Variants in LANCL1 observed in about 807,000 individuals in gnomAD.
LANCL1 encodes the protein LanC like glutathione S-transferase 1.
In LANCL1, 50 loss-of-function variants were observed where a neutral mutation model predicts 50.6. That is an observed-to-expected ratio of 0.99 (90% CI 0.79 to 1.25). The LOEUF is 1.25. Among genes scored for constraint, LANCL1 ranks in the 50% most tolerant of loss-of-function variants. The pLI is 0.00. For missense variants in LANCL1, 532 were observed against 480.7 expected, an observed-to-expected ratio of 1.11 and a Z score of -1.00; for synonymous variants, 188 against 178.6, an observed-to-expected ratio of 1.05 and a Z score of -0.42.
chr2:210,467,286 C>T (rs1053898083), intron 3 of LANCL1, among the ~76,000 whole-genome samples: 1 of 152,138 alleles, frequency 6.6e-6, no homozygotes, highest in East Asian at 1.9e-4. Context: ...CAAAAACGTC[C>T]GACAGAAATT....
chr2:210,438,886 C>T (rs892834677), intron 6 of LANCL1, among the ~76,000 whole-genome samples: 4 of 152,136 alleles, frequency 2.6e-5, no homozygotes, highest in East Asian at 1.9e-4. Context: ...ATGTCTTTAA[C>T]AGATTCAAAG....
intron 4 of LANCL1, among the ~76,000 whole-genome samples, chr2:210,450,632 C>G (rs965824580): frequency 6.6e-6 from 1 of 150,830 alleles, no homozygotes; most frequent in Non-Finnish European, 1.5e-5. Flanking sequence ...TACAAATTTA[C>G]AAGAAAAAAA....
intron 7 of LANCL1, 93 bp from the exon 8 acceptor site, chr2:210,436,485 T>C: frequency 8.1e-7 from 1 of 1,231,882 alleles, no homozygotes; most frequent in Non-Finnish European, 1.2e-6. Context: ...AAGAGGGAGA[T>C]GGCTTGGCAA....
chr2:210,471,042 A>ATTTTTTTTTTTTTTTTTT (rs35572251), intron 3 of LANCL1, among the ~76,000 whole-genome samples: 1 of 96,286 alleles, frequency 1.0e-5, no homozygotes, highest in Non-Finnish European at 2.0e-5. Flanking sequence ...TTCTTCTTTG[A>ATTTTTTTTTTTTTTTTTT]TTTTTTTTTT....
chr2:210,445,525 T>C (rs1693295573), intron 4 of LANCL1, among the ~76,000 whole-genome samples: 1 of 152,240 alleles, frequency 6.6e-6, no homozygotes, highest in Non-Finnish European at 1.5e-5. Context: ...AATTCATTAG[T>C]TGGGTTCGAT....
At chr2:210,470,932 G>A (rs1047245164) in intron 3 of LANCL1, among the ~76,000 whole-genome samples, 5 of 151,770 alleles carry the variant, frequency 3.3e-5, no homozygotes, top group East Asian at 1.9e-4. Flanking sequence ...TCTTTAAAGC[G>A]AATGGGAAAC....
chr2:210,456,415 C>T (rs1458981871), intron 3 of LANCL1, among the ~76,000 whole-genome samples: 1 of 152,122 alleles, frequency 6.6e-6, no homozygotes, highest in Non-Finnish European at 1.5e-5. Context: ...ACAGACAATT[C>T]AATTTCACAT....
chr2:210,475,954 C>A (rs2287419), intron 2 of LANCL1, among the ~76,000 whole-genome samples: 63,937 of 152,012 alleles, frequency 0.42, 15,023 homozygotes, highest in East Asian at 0.61. Flanking sequence ...TGTGTATAAT[C>A]ACAAAGGAGT....
chr2:210,464,775 G>C (rs1693987581), intron 3 of LANCL1, among the ~76,000 whole-genome samples: 1 of 147,126 alleles, frequency 6.8e-6, no homozygotes, highest in Non-Finnish European at 1.5e-5. Context: ...GACCATTCTG[G>C]CTAACAAGGT....
intron 2 of LANCL1, 100 bp from the exon 3 acceptor site, chr2:210,472,176 G>C: frequency 2.6e-6 from 2 of 779,364 alleles, no homozygotes; most frequent in East Asian, 2.5e-5. Context: ...TTCCACTTAG[G>C]ACATATTTTT....
intron 3 of LANCL1, 39 bp downstream of exon 3, chr2:210,471,920 G>T: frequency 7.1e-7 from 1 of 1,398,914 alleles, no homozygotes; most frequent in Non-Finnish European, 1.0e-6. Flanking sequence ...TGGCTCTTAA[G>T]CACAATGCTT....
Position 210,465,345 on chromosome 2 carries a change from T to C in LANCL1, c.199+6614A>G, listed in dbSNP as rs541267576. Among the ~76,000 whole-genome samples, 8 of 152,348 alleles carry C rather than the reference T, an allele frequency of 5.3e-5. No individual in the cohort carries two copies. In the East Asian group the frequency reaches 1.5e-3, roughly 29 times the overall value. On this transcript the variant is annotated intron_variant, in intron 3 of 9. Coordinates refer to ENST00000450366, the MANE Select transcript of LANCL1 (RefSeq NM_006055.3). ...AAAGTGCCACTAGTGATGCTGAAAG[T>C]GCTTCCACGAAGCAGAAAAAAGTCG...
chr2:210,463,451 G>T (rs558512098), intron 3 of LANCL1, among the ~76,000 whole-genome samples: 68 of 152,126 alleles, frequency 4.5e-4, no homozygotes, highest in Non-Finnish European at 6.6e-4. Context: ...TACAACAGTA[G>T]TTATTGGTGT....
chr2:210,458,638 GAGA>G (rs1246347396), intron 3 of LANCL1, among the ~76,000 whole-genome samples: 6 of 152,110 alleles, frequency 3.9e-5, no homozygotes, highest in Non-Finnish European at 7.4e-5. Context: ...GGGGATGGCG[GAGA>G]AGAAGATGTC....
Position 210,476,323 on chromosome 2 carries a change from G to A in LANCL1, c.74C>T (p.Ala25Val), listed in dbSNP as rs1694369647. ...KSLAEGYFDAAGRLTPEFSQR... is the reference protein window; with the variant it reads ...KSLAEGYFDAVGRLTPEFSQR... The stretch of plus-strand genomic sequence containing the variant: ...GACATATCCTAAACTCACCCTCCCG[G>A]CAGCATCAAAGTAGCCTTCGGCCAG... The change falls in exon 2 of 10, where the codon GCC (alanine) becomes GTC (valine). Residue 25 changes from alanine to valine, a missense_variant. Coordinates refer to ENST00000450366, the MANE Select transcript of LANCL1 (RefSeq NM_006055.3). 1 of 1,612,632 alleles carries A rather than the reference G, an allele frequency of 6.2e-7. No homozygotes were observed. The highest frequency in any genetic ancestry group is 8.5e-7 in the Non-Finnish European group (1 of 1,178,808).
chr2:210,474,766 T>TTAAATTCA (rs1553715879), intron 2 of LANCL1, among the ~76,000 whole-genome samples: 1 of 72,338 alleles, frequency 1.4e-5, no homozygotes, highest in Non-Finnish European at 3.2e-5. Context: ...AAATAAAGGG[T>TTAAATTCA]TAAATTCATA....
At position 210,476,371 on chromosome 2, in the gene LANCL1, G is replaced by A. The variant is rs1380145499; in HGVS notation, c.26C>T (p.Pro9Leu). 10 of 1,613,976 alleles carry A rather than the reference G, an allele frequency of 6.2e-6. No individual in the cohort carries two copies. The highest frequency in any genetic ancestry group is 1.3e-5 in the African/African-American group (1 of 74,936). MAQRAFPNPYADYNKSLAE... is the reference protein window; with the variant it reads MAQRAFPNLYADYNKSLAE... ...CAGGGATTTGTTATAATCAGCATAA[G>A]GATTCGGGAAGGCCCTTTGAGCCAT... Residue 9 changes from proline to leucine, a missense_variant, in exon 2 of 10, where the codon CCT becomes CTT. Coordinates refer to ENST00000450366, the MANE Select transcript of LANCL1 (RefSeq NM_006055.3).
chr2:210,476,505 C>T, intron 1 of LANCL1, 93 bp from the exon 2 acceptor site: 1 of 1,451,554 alleles, frequency 6.9e-7, no homozygotes, highest in East Asian at 2.6e-5. Flanking sequence ...CCCCCTTCCT[C>T]CAGCTCCAGG....
Position 210,433,351 on chromosome 2 carries a change from A to G in LANCL1, c.*1136T>C, listed in dbSNP as rs1186873790. 1 of 152,204 alleles carries G rather than the reference A, an allele frequency of 6.6e-6. No homozygotes were observed. Among genetic ancestry groups the G allele is most frequent in the African/African-American group, 2.4e-5 (1 of 41,448 alleles). The allele number at this position is 152,204 out of a possible 1,614,324, so 9.4% of individuals were successfully genotyped here. A position where few individuals can be genotyped will look rare whatever the true frequency, so the allele number is the denominator to read the frequency against. On this transcript the variant is annotated 3_prime_UTR_variant, in exon 10 of 10. Coordinates refer to ENST00000450366, the MANE Select transcript of LANCL1 (RefSeq NM_006055.3). ...CAAAGATGCATTTGTTCTAAGCATG[A>G]ACTCTGGATAATACCTCCTCAATAA...
Sources: gnomAD v4.1 joint callset for allele counts (sites outside exome capture counted in the v4.1 genomes callset) on GRCh38, gnomAD v4.1.1 for gene constraint, MANE v1.5 for transcripts, NCBI Gene and HGNC (gene_info 2026-07-23, HGNC 2026-07-21) for gene names.